The following AP1G1 variants were observed in gnomAD, a reference collection of about 807,000 sequenced individuals.
AP1G1 encodes the protein AP-1 complex subunit gamma-1.
In AP1G1, 7 loss-of-function variants were observed where a neutral mutation model predicts 108.3. The ratio of observed to expected loss-of-function variants is 0.06; its 90% CI spans 0.04 to 0.12. AP1G1 has a LOEUF of 0.12. Ranked by LOEUF, AP1G1 falls within the 10% of genes least tolerant of loss-of-function variation. AP1G1 has a pLI of 1.00. For synonymous variants in AP1G1, 379 were observed against 353.5 expected (o/e 1.07, Z -0.81); for missense variants, 756 against 1,010.7 (o/e 0.75, Z 3.42).
chr16:71,736,717 C>T (rs990896285), intron 21 of AP1G1, among the ~76,000 whole-genome samples: 45 of 150,620 alleles, frequency 3.0e-4, no homozygotes, highest in Admixed American at 6.0e-4. Flanking sequence ...TCCCAAGTAG[C>T]TGACACTACA....
intron 19 of AP1G1, chr16:71,742,759 CA>C (rs768243197): frequency 6.6e-6 from 1 of 152,114 alleles, no homozygotes; most frequent in Non-Finnish European, 1.5e-5. Context: ...CATTTGAGGT[CA>C]GGAGTTCAAG....
At chr16:71,793,316 G>C (rs1453194032) in intron 1 of AP1G1, among the ~76,000 whole-genome samples, 1 of 152,086 alleles carries the variant, frequency 6.6e-6, no homozygotes, top group Non-Finnish European at 1.5e-5. Flanking sequence ...CCAATATAGA[G>C]AGTGACACAT....
At chr16:71,775,439 A>G (rs1201660504) in intron 2 of AP1G1, among the ~76,000 whole-genome samples, 22 of 152,216 alleles carry the variant, frequency 1.4e-4, no homozygotes, top group Admixed American at 1.4e-3. Flanking sequence ...GATATTTGCC[A>G]TTCAAATAAT....
intron 1 of AP1G1, among the ~76,000 whole-genome samples, chr16:71,797,196 A>G (rs2032617465): frequency 6.6e-6 from 1 of 152,070 alleles, no homozygotes; most frequent in Admixed American, 6.6e-5. Context: ...TCTCAATTCA[A>G]GAAGTATCAT....
Position 71,789,259 on chromosome 16 carries a change from G to A in AP1G1, c.201+20C>T, listed in dbSNP as rs773702186. ...ATGTCAAAGAATACCCTTGCTACAT[G>A]TAGTCTCAGCCCAGCCTACCTGTCC... On this transcript the variant is annotated intron_variant, in intron 2 of 22. Coordinates refer to ENST00000299980, the MANE Select transcript of AP1G1 (RefSeq NM_001128.6). The A allele has an allele frequency of 9.3e-6, 15 of 1,604,350 alleles. No homozygotes were observed. The highest frequency in any genetic ancestry group is 1.3e-5 in the Non-Finnish European group (15 of 1,173,648).
chr16:71,745,211 C>T lies in AP1G1; in HGVS notation c.1932G>A (p.Ala644=), dbSNP rs752894792. 4 of 1,614,126 alleles carry T rather than the reference C, an allele frequency of 2.5e-6. No individual in the cohort carries two copies. Among genetic ancestry groups the T allele is most frequent in the South Asian group, 2.2e-5 (2 of 91,084 alleles). ...CAGCAGAAGATGGTTTGCTTGTAGG[C>T]GCAGTTGGAATAACAGGTGTTATGT... ...GNDITPVIPT[A]PTSKPSSAGG... Residue 644 remains alanine, a synonymous_variant, in exon 19 of 23, where the codon GCG becomes GCA. Coordinates refer to ENST00000299980, the MANE Select transcript of AP1G1 (RefSeq NM_001128.6).
intron 1 of AP1G1, among the ~76,000 whole-genome samples, chr16:71,793,854 C>T (rs1006080006): frequency 6.6e-6 from 1 of 152,096 alleles, no homozygotes; most frequent in Non-Finnish European, 1.5e-5. Context: ...GGACTACAGG[C>T]GCAAGCCACC....
In AP1G1 at chr16:71,748,259, A is replaced by G. The variant is rs771105976; in HGVS notation, c.1617T>C (p.Cys539=). 2.5e-6 allele frequency: 4 copies of G among 1,613,974 alleles called. No homozygotes were observed. The highest frequency in any genetic ancestry group is 3.4e-6 in the Non-Finnish European group (4 of 1,179,966). The change falls in exon 16 of 23, where the codon TGT becomes TGC. Residue 539 remains cysteine, a synonymous_variant. Coordinates refer to ENST00000299980, the MANE Select transcript of AP1G1 (RefSeq NM_001128.6). ...GTTTCTTCAATACTCACTTTACAGT[A>G]CAAGTGAATCGAGTGGAAAGCTTCA... is the stretch of plus-strand genomic sequence containing the variant. ...AIMKLSTRFT[C]TVNRIKKVVS...
At chr16:71,772,041 A>C (rs1045335134) in intron 4 of AP1G1, among the ~76,000 whole-genome samples, 1 of 152,250 alleles carries the variant, frequency 6.6e-6, no homozygotes, top group Non-Finnish European at 1.5e-5. Context: ...TTTGAGTCAA[A>C]TACCATAAAA....
At chr16:71,761,415 A>C in intron 10 of AP1G1, 97 bp downstream of exon 10, 1 of 878,080 alleles carries the variant, frequency 1.1e-6, no homozygotes, top group Non-Finnish European at 1.9e-6. Context: ...AAAGTTCTAA[A>C]TATGTGACTT....
intron 15 of AP1G1, 75 bp downstream of exon 15, chr16:71,749,819 C>T (rs1204568233): frequency 8.8e-6 from 11 of 1,254,418 alleles, no homozygotes; most frequent in African/African-American, 7.4e-5. Flanking sequence ...TCAACCTCAA[C>T]TCCCCATTAA....
chr16:71,772,578 A>AT (rs2031618367), intron 4 of AP1G1, among the ~76,000 whole-genome samples: 2 of 152,232 alleles, frequency 1.3e-5, no homozygotes, highest in African/African-American at 4.8e-5. Context: ...CATTAACTGC[A>AT]TATCATCCTG....
At chr16:71,738,339 G>A (rs535912379) in intron 21 of AP1G1, among the ~76,000 whole-genome samples, 15 of 151,962 alleles carry the variant, frequency 9.9e-5, no homozygotes, top group South Asian at 4.2e-4. Context: ...GATTACAGCC[G>A]TGAGCCACTG....
At chr16:71,771,988 C>T (rs530188847) in intron 4 of AP1G1, among the ~76,000 whole-genome samples, 1 of 152,102 alleles carries the variant, frequency 6.6e-6, no homozygotes, top group African/African-American at 2.4e-5. Flanking sequence ...CATTTAAACA[C>T]TGATTTTTGT....
intron 2 of AP1G1, among the ~76,000 whole-genome samples, chr16:71,784,593 T>C (rs1019795679): frequency 6.6e-6 from 1 of 152,092 alleles, no homozygotes; most frequent in Non-Finnish European, 1.5e-5. Flanking sequence ...GAGTCTCGCT[T>C]TGTCGCCCAG....
intron 22 of AP1G1, among the ~76,000 whole-genome samples, chr16:71,734,365 C>A (rs1049802113): frequency 6.6e-6 from 1 of 152,106 alleles, no homozygotes; most frequent in African/African-American, 2.4e-5. Flanking sequence ...TCCCCTACCC[C>A]CAAAAACCAG....
chr16:71,804,461 T>C (rs1364027634), intron 1 of AP1G1, among the ~76,000 whole-genome samples: 4 of 147,540 alleles, frequency 2.7e-5, no homozygotes, highest in African/African-American at 1.0e-4. Flanking sequence ...CAGGCTGGAG[T>C]GCAGTGGCGT....
At chr16:71,740,346 A>T (rs908517830) in intron 19 of AP1G1, among the ~76,000 whole-genome samples, 1 of 152,026 alleles carries the variant, frequency 6.6e-6, no homozygotes, top group Non-Finnish European at 1.5e-5. Context: ...GACACTGCCA[A>T]CCCCTGGAGG....
intron 11 of AP1G1, among the ~76,000 whole-genome samples, chr16:71,758,189 T>C (rs1166459348): frequency 1.3e-5 from 2 of 152,182 alleles, no homozygotes; most frequent in Middle Eastern, 3.2e-3. Flanking sequence ...GATTTGAACA[T>C]ACAACCAAAA....
Sources: gnomAD v4.1 joint callset for allele counts (sites outside exome capture counted in the v4.1 genomes callset) on GRCh38, gnomAD v4.1.1 for gene constraint, MANE v1.5 for transcripts, NCBI Gene and HGNC (gene_info 2026-07-23, HGNC 2026-07-21) for gene names.